The following SCN11A variants were observed in gnomAD, a reference collection of about 807,000 sequenced individuals.
SCN11A encodes the protein sodium channel protein type 11 subunit alpha.
A neutral mutation model predicts 162.2 loss-of-function variants in SCN11A; 122 were observed. That is an observed-to-expected ratio of 0.75 (90% CI 0.65 to 0.87). The LOEUF (loss-of-function observed/expected upper bound fraction) is 0.87. SCN11A is among the 40% of genes least tolerant of loss of function. The probability of loss-of-function intolerance (pLI) is 0.00; values close to 1 mark genes in which losing one functional copy is unlikely to be tolerated. For missense variants in SCN11A, 2,015 were observed against 2,181.6 expected, an observed-to-expected ratio of 0.92 and a Z score of 1.52; for synonymous variants, 758 against 751.5, an observed-to-expected ratio of 1.01 and a Z score of -0.14.
At chr3:38,865,473 T>G (rs1186934086) in intron 27 of SCN11A, among the ~76,000 whole-genome samples, 1 of 152,244 alleles carries the variant, frequency 6.6e-6, no homozygotes, top group East Asian at 1.9e-4. Flanking sequence ...CTAATTGGTA[T>G]CAAGGTACAT....
At chr3:39,049,040 C>A (rs1035908410) in intron 1 of SCN11A, among the ~76,000 whole-genome samples, 3 of 152,186 alleles carry the variant, frequency 2.0e-5, no homozygotes, top group Non-Finnish European at 4.4e-5. Context: ...TGAAGCTCTG[C>A]ATAAATTACA....
At chr3:38,984,784 T>G (rs571715983) in intron 2 of SCN11A, among the ~76,000 whole-genome samples, 9 of 152,152 alleles carry the variant, frequency 5.9e-5, no homozygotes, top group Non-Finnish European at 1.2e-4. Flanking sequence ...GTGCTGGGAT[T>G]ACAGGCGTGA....
intron 1 of SCN11A, among the ~76,000 whole-genome samples, chr3:39,051,291 G>C (rs1157435646): frequency 6.6e-6 from 1 of 151,794 alleles, no homozygotes; most frequent in African/African-American, 2.4e-5. Context: ...TCCACCCTCC[G>C]AAAGGCCCCA....
intron 7 of SCN11A, among the ~76,000 whole-genome samples, chr3:38,942,149 GATA>G (rs1315060048): frequency 1.1e-4 from 16 of 152,126 alleles, no homozygotes; most frequent in East Asian, 3.9e-4. Context: ...ACATCAGGAG[GATA>G]ATAATAATCA....
rs1478910251 is a variant in SCN11A at position 38,960,321 on chromosome 3, G to T, written c.-177C>A. On this transcript the variant is annotated 5_prime_UTR_variant, in exon 3 of 30. The change creates a new upstream start codon in the 5' untranslated region. Transcript: ENST00000302328. ...AAGGTGGCTCCAGACAGCAATCCCA[G>T]CGATACTTCTTGAAGCTCTCCACAG... is the stretch of plus-strand genomic sequence containing the variant. Among the ~76,000 whole-genome samples the T allele has an allele frequency of 1.3e-5, 2 of 152,176 alleles. No homozygotes were observed. Among genetic ancestry groups the T allele is most frequent in the Non-Finnish European group, 2.9e-5 (2 of 68,038 alleles).
chr3:38,905,839 G>C (rs1177660123), intron 14 of SCN11A, among the ~76,000 whole-genome samples: 1 of 152,118 alleles, frequency 6.6e-6, no homozygotes, highest in East Asian at 1.9e-4. Flanking sequence ...ACAAAATCTA[G>C]ATCCTAAACC....
At chr3:39,014,732 T>C (rs1358741612) in intron 2 of SCN11A, among the ~76,000 whole-genome samples, 2 of 152,176 alleles carry the variant, frequency 1.3e-5, no homozygotes, top group Non-Finnish European at 2.9e-5. Context: ...TATAAATCCA[T>C]GGATAGTGCT....
intron 2 of SCN11A, among the ~76,000 whole-genome samples, chr3:38,987,047 A>T (rs2030272289): frequency 6.6e-6 from 1 of 152,036 alleles, no homozygotes. Flanking sequence ...TCTGCCTACC[A>T]CACACACACA....
At chr3:38,963,451 G>GATAT (rs58073602) in intron 2 of SCN11A, among the ~76,000 whole-genome samples, 3 of 88,630 alleles carry the variant, frequency 3.4e-5, no homozygotes, top group African/African-American at 1.2e-4. Context: ...ATATGATGGA[G>GATAT]ATATATATAT....
chr3:38,976,315 C>T (rs1156542711), intron 2 of SCN11A, among the ~76,000 whole-genome samples: 2 of 152,166 alleles, frequency 1.3e-5, no homozygotes, highest in African/African-American at 4.8e-5. Context: ...AGTTTTTACA[C>T]ACTCAAAACA....
At chr3:39,012,375 G>A (rs907521293) in intron 2 of SCN11A, among the ~76,000 whole-genome samples, 2 of 151,904 alleles carry the variant, frequency 1.3e-5, no homozygotes, top group South Asian at 2.1e-4. Context: ...AATAAACTTG[G>A]TGTACTGGAT....
intron 23 of SCN11A, among the ~76,000 whole-genome samples, 193 bp downstream of exon 23, chr3:38,879,757 C>T (rs1008749910): frequency 3.9e-5 from 6 of 152,082 alleles, no homozygotes; most frequent in Admixed American, 6.6e-5. Flanking sequence ...GTATGATGAG[C>T]GGGACCTAGG....
chr3:38,859,424 G>A (rs1325649886), intron 28 of SCN11A, among the ~76,000 whole-genome samples: 4 of 151,914 alleles, frequency 2.6e-5, no homozygotes, highest in Non-Finnish European at 5.9e-5. Flanking sequence ...CAGAGGAAAC[G>A]GATAAATTCC....
chr3:38,950,462 G>T lies in SCN11A; in HGVS notation c.-7-93C>A. ...TAGGATTCCAGTCTTAAAGGATGGT[G>T]TCATAAGGATCTACAAAAGCTGAGC... On this transcript the variant is annotated intron_variant, in intron 4 of 29. Transcript: ENST00000302328. 5 of 1,323,688 alleles carry T rather than the reference G, an allele frequency of 3.8e-6. No homozygotes were observed. In the South Asian group the frequency reaches 6.6e-5, roughly 17 times the overall value. The allele number at this position is 1,323,688 out of a possible 1,614,324, so 82.0% of individuals were successfully genotyped here. A position where few individuals can be genotyped will look rare whatever the true frequency, so the allele number is the denominator to read the frequency against.
chr3:38,970,993 T>C (rs2066812965), intron 2 of SCN11A, among the ~76,000 whole-genome samples: 1 of 152,128 alleles, frequency 6.6e-6, no homozygotes, highest in East Asian at 1.9e-4. Flanking sequence ...AGAGCCCCAG[T>C]GGAGGGTCCA....
At chr3:38,961,034 G>T (rs2066736019) in intron 2 of SCN11A, among the ~76,000 whole-genome samples, 1 of 152,056 alleles carries the variant, frequency 6.6e-6, no homozygotes. Context: ...AAGTCTCCCT[G>T]GAAAGTATCA....
chr3:39,025,917 T>G (rs900568252), intron 2 of SCN11A: 3 of 152,210 alleles, frequency 2.0e-5, no homozygotes, highest in Non-Finnish European at 2.9e-5. Context: ...TATTTCTTTC[T>G]TTTATACCTA....
At chr3:38,917,014 TGAGAGA>T (rs1373398595) in intron 11 of SCN11A, among the ~76,000 whole-genome samples, 1 of 152,178 alleles carries the variant, frequency 6.6e-6, no homozygotes, top group Non-Finnish European at 1.5e-5. Flanking sequence ...GTACCTAGAC[TGAGAGA>T]GATGTGCTGG....
intron 2 of SCN11A, among the ~76,000 whole-genome samples, chr3:39,016,401 G>T (rs935243809): frequency 6.6e-6 from 1 of 152,072 alleles, no homozygotes; most frequent in Non-Finnish European, 1.5e-5. Flanking sequence ...TACAAACTAA[G>T]GCACTGAAAA....
Sources: allele counts gnomAD v4.1 joint callset (sites outside exome capture counted in the v4.1 genomes callset), GRCh38; gene constraint gnomAD v4.1.1; transcripts MANE v1.5; gene names NCBI Gene and HGNC (gene_info 2026-07-23, HGNC 2026-07-21).